Variants in FRAS1 observed in about 807,000 individuals in gnomAD.
FRAS1 encodes the protein Fraser extracellular matrix complex subunit 1, also known as extracellular matrix organizing protein FRAS1.
In FRAS1, 290 loss-of-function variants were observed where a neutral mutation model predicts 435.2. The ratio of observed to expected loss-of-function variants is 0.67; its 90% CI spans 0.61 to 0.73. FRAS1 has a LOEUF of 0.73. Ranked by LOEUF, FRAS1 falls within the 30% of genes least tolerant of loss-of-function variation. The pLI, the probability that FRAS1 is intolerant of heterozygous loss-of-function variation, is 0.00. For synonymous variants in FRAS1, 1,800 were observed against 1,851.0 expected, an observed-to-expected ratio of 0.97 and a Z score of 0.71; for missense variants, 4,860 against 5,001.5, an observed-to-expected ratio of 0.97 and a Z score of 0.85.
At chr4:78,509,115 T>C (rs1720949097) in intron 63 of FRAS1, 109 bp downstream of exon 63, 2 of 1,201,752 alleles carry the variant, frequency 1.7e-6, no homozygotes, top group Non-Finnish European at 2.4e-6. Flanking sequence ...GCATTTGGAA[T>C]AAAACAAATA....
intron 19 of FRAS1, among the ~76,000 whole-genome samples, chr4:78,337,358 C>T (rs1256106168): frequency 6.6e-6 from 1 of 152,150 alleles, no homozygotes; most frequent in African/African-American, 2.4e-5. Context: ...CGTGTTTCTG[C>T]TCTGTGACTA....
At chr4:78,338,112 T>C (rs911903927) in intron 20 of FRAS1, 4 of 265,302 alleles carry the variant, frequency 1.5e-5, no homozygotes, top group African/African-American at 9.0e-5. Context: ...CTTCTTAAGA[T>C]AGCAAAAAGT....
intron 2 of FRAS1, among the ~76,000 whole-genome samples, chr4:78,081,237 C>A (rs1277101492): frequency 6.6e-6 from 1 of 152,154 alleles, no homozygotes; most frequent in Non-Finnish European, 1.5e-5. Context: ...TCTAGACCAG[C>A]AACTTCAATA....
At chr4:78,315,186 A>G (rs1399855284) in intron 15 of FRAS1, among the ~76,000 whole-genome samples, 1 of 152,220 alleles carries the variant, frequency 6.6e-6, no homozygotes, top group Non-Finnish European at 1.5e-5. Flanking sequence ...AGTAGGGTAG[A>G]ATAAAGGATA....
At chr4:78,489,973 A>AAAAAAAAAC (rs1200532654) in intron 59 of FRAS1, among the ~76,000 whole-genome samples, 2 of 142,252 alleles carry the variant, frequency 1.4e-5, no homozygotes, top group Non-Finnish European at 3.0e-5. Context: ...GAAAACAAAA[A>AAAAAAAAAC]AAAAAAAAAA....
chr4:78,333,386 A>G lies in FRAS1; in HGVS notation c.2252A>G (p.Tyr751Cys). 6.2e-7 allele frequency: 1 copy of G among 1,611,844 alleles called. No homozygotes were observed. Among genetic ancestry groups the G allele is most frequent in the South Asian group, 1.1e-5 (1 of 90,292 alleles). Reference protein sequence around the residue: ...GQCLSQCPDGYFHQEGSCTEC... With the variant: ...GQCLSQCPDGCFHQEGSCTEC... ...TGCCTCTCCCAGTGCCCAGATGGCTACTTTCACCAGGAAGGTAGTTGCACA... is the reference window on the plus strand; with the variant it reads ...TGCCTCTCCCAGTGCCCAGATGGCTGCTTTCACCAGGAAGGTAGTTGCACA... Residue 751 changes from tyrosine (Y) to cysteine (C), a missense_variant, in exon 19 of 74, where the codon TAC becomes TGC. Tyr to Cys is a radical substitution (Grantham distance 194, BLOSUM62 -2). Transcript: ENST00000512123.
chr4:78,216,123 A>G (rs1180762372), intron 2 of FRAS1, among the ~76,000 whole-genome samples: 1 of 152,204 alleles, frequency 6.6e-6, no homozygotes, highest in African/African-American at 2.4e-5. Context: ...GGGACATCGA[A>G]TGTGCTTAGT....
intron 2 of FRAS1, among the ~76,000 whole-genome samples, chr4:78,189,293 T>C (rs1269615923): frequency 6.6e-6 from 1 of 152,238 alleles, no homozygotes; most frequent in Non-Finnish European, 1.5e-5. Context: ...CTTAGCTGCA[T>C]TGGAGATGAA....
chr4:78,407,708 A>T lies in FRAS1; in HGVS notation c.4175A>T (p.Asp1392Val). 8.7e-6 allele frequency: 14 copies of T among 1,613,694 alleles called. No homozygotes were observed. Among genetic ancestry groups the T allele is most frequent in the Non-Finnish European group, 1.2e-5 (14 of 1,179,740 alleles). Residue 1392 changes from aspartate (D) to valine (V), a missense_variant, in exon 31 of 74, where the codon GAT becomes GTT. Asp to Val is a radical substitution (Grantham distance 152). Transcript: ENST00000512123. ...LVNMPADSPA[D>V]EGQHLPDGRT... The stretch of plus-strand genomic sequence containing the variant: ...AATATGCCTGCAGACAGCCCTGCAG[A>T]TGAAGGGCAGCACCTGCCTGATGGG...
At chr4:78,418,892 C>A in intron 32 of FRAS1, 57 bp from the exon 33 acceptor site, 1 of 1,042,992 alleles carries the variant, frequency 9.6e-7, no homozygotes, top group East Asian at 2.6e-5. Context: ...TCTGTTTTTG[C>A]CTCTGGCTTT....
At chr4:78,335,280 A>G (rs1221200163) in intron 19 of FRAS1, among the ~76,000 whole-genome samples, 1 of 152,146 alleles carries the variant, frequency 6.6e-6, no homozygotes, top group Non-Finnish European at 1.5e-5. Context: ...TGGGCTCTTC[A>G]TTGACGTCTG....
chr4:78,230,344 A>G (rs1169417594), intron 2 of FRAS1, among the ~76,000 whole-genome samples: 1 of 152,240 alleles, frequency 6.6e-6, no homozygotes, highest in African/African-American at 2.4e-5. Flanking sequence ...AAAGGAGATA[A>G]TTTAATGTAA....
chr4:78,157,222 C>G (rs2110019103), intron 2 of FRAS1, among the ~76,000 whole-genome samples: 1 of 152,290 alleles, frequency 6.6e-6, no homozygotes, highest in Non-Finnish European at 1.5e-5. Flanking sequence ...ACCCAGTTCA[C>G]CATTGATGGG....
At chr4:78,102,216 A>C (rs2109920845) in intron 2 of FRAS1, among the ~76,000 whole-genome samples, 1 of 152,324 alleles carries the variant, frequency 6.6e-6, no homozygotes, top group Admixed American at 6.5e-5. Context: ...ATTTCTCAGA[A>C]AAGGAACCAT....
chr4:78,495,420 T>C (rs1720482976), intron 59 of FRAS1, among the ~76,000 whole-genome samples: 2 of 152,304 alleles, frequency 1.3e-5, no homozygotes, highest in South Asian at 2.1e-4. Context: ...TCTTCCTCTG[T>C]TCATCTTTAC....
chr4:78,244,075 A>C (rs550531514), intron 3 of FRAS1, among the ~76,000 whole-genome samples: 1 of 152,154 alleles, frequency 6.6e-6, no homozygotes, highest in Non-Finnish European at 1.5e-5. Flanking sequence ...CCTTTATCAA[A>C]AAAATAGGAA....
chr4:78,179,639 T>C (rs1441545723), intron 2 of FRAS1, among the ~76,000 whole-genome samples: 1 of 152,238 alleles, frequency 6.6e-6, no homozygotes, highest in African/African-American at 2.4e-5. Context: ...AGGTACTTAT[T>C]TCATCCAAAT....
intron 2 of FRAS1, among the ~76,000 whole-genome samples, chr4:78,165,863 G>GA (rs1207639371): frequency 6.6e-6 from 1 of 152,166 alleles, no homozygotes; most frequent in African/African-American, 2.4e-5. Flanking sequence ...CCCAAAGAGT[G>GA]AGCAGACACA....
intron 2 of FRAS1, among the ~76,000 whole-genome samples, chr4:78,130,377 G>T (rs1336552937): frequency 6.6e-6 from 1 of 152,192 alleles, no homozygotes; most frequent in African/African-American, 2.4e-5. Flanking sequence ...AACTGCATTT[G>T]TGTGTGTTTA....
Sources: allele counts gnomAD v4.1 joint callset (sites outside exome capture counted in the v4.1 genomes callset), GRCh38; gene constraint gnomAD v4.1.1; transcripts MANE v1.5; gene names NCBI Gene and HGNC (gene_info 2026-07-23, HGNC 2026-07-21).